ARSJ: variants seen among roughly 807,000 people sequenced by gnomAD.
The protein encoded by ARSJ is arylsulfatase family member J, also known as arylsulfatase J.
ARSJ carries 26 observed loss-of-function variants against 35.9 expected under a neutral mutation model. The observed-to-expected ratio is 0.72, with a 90% confidence interval of 0.53 to 1.00. ARSJ has a LOEUF of 1.00. Among genes scored for constraint, ARSJ ranks in the 50% least tolerant of loss-of-function variants. The pLI is 0.00. For synonymous variants in ARSJ, 294 were observed against 267.6 expected, an observed-to-expected ratio of 1.10 and a Z score of -0.96; for missense variants, 667 against 723.6, an observed-to-expected ratio of 0.92 and a Z score of 0.90.
intron 1 of ARSJ, among the ~76,000 whole-genome samples, chr4:113,942,656 T>C (rs1212331119): frequency 6.6e-6 from 1 of 152,048 alleles, no homozygotes; most frequent in Admixed American, 6.6e-5. Flanking sequence ...CATGCAGTGG[T>C]TATGAGTGAT....
At chr4:113,907,678 G>T (rs2099669179) in intron 1 of ARSJ, among the ~76,000 whole-genome samples, 2 of 152,036 alleles carry the variant, frequency 1.3e-5, no homozygotes, top group African/African-American at 4.8e-5. Flanking sequence ...GCAAGACCTG[G>T]AATCAACCTG....
intron 1 of ARSJ, among the ~76,000 whole-genome samples, chr4:113,944,765 C>CAGTAGAG (rs1427397039): frequency 6.6e-5 from 10 of 152,014 alleles, no homozygotes; most frequent in African/African-American, 1.9e-4. Flanking sequence ...GAATTTTATT[C>CAGTAGAG]AGTAGAGGTA....
intron 1 of ARSJ, among the ~76,000 whole-genome samples, chr4:113,909,693 T>A (rs961764675): frequency 6.6e-6 from 1 of 152,194 alleles, no homozygotes; most frequent in Non-Finnish European, 1.5e-5. Context: ...CTCCCCAGCC[T>A]TGTGAAACTG....
chr4:113,914,476 C>T (rs1723156899), intron 1 of ARSJ, among the ~76,000 whole-genome samples: 1 of 73,952 alleles, frequency 1.4e-5, no homozygotes, highest in Non-Finnish European at 3.6e-5. Context: ...GAAAACAGCC[C>T]AACAAAAAAA....
chr4:113,949,228 C>G (rs996205741), intron 1 of ARSJ, among the ~76,000 whole-genome samples: 4 of 151,914 alleles, frequency 2.6e-5, no homozygotes, highest in African/African-American at 9.7e-5. Flanking sequence ...AGGAGAAATA[C>G]CTAATGTAGA....
intron 1 of ARSJ, among the ~76,000 whole-genome samples, chr4:113,947,402 T>C (rs1310569144): frequency 6.6e-6 from 1 of 151,764 alleles, no homozygotes; most frequent in Non-Finnish European, 1.5e-5. Flanking sequence ...ATCGTTTGAA[T>C]TTGGCAGTTG....
chr4:113,957,780 A>G (rs1726278816), intron 1 of ARSJ, among the ~76,000 whole-genome samples: 1 of 152,142 alleles, frequency 6.6e-6, no homozygotes, highest in Non-Finnish European at 1.5e-5. Flanking sequence ...AAAGTGAGAC[A>G]GAATTTCATC....
chr4:113,923,733 A>ATAT, intron 1 of ARSJ, among the ~76,000 whole-genome samples: 1 of 152,114 alleles, frequency 6.6e-6, no homozygotes, highest in Middle Eastern at 3.4e-3. Context: ...TTTCTTAGTT[A>ATAT]TATTAGCCAT....
At chr4:113,963,067 G>A (rs970968437) in intron 1 of ARSJ, among the ~76,000 whole-genome samples, 4 of 151,840 alleles carry the variant, frequency 2.6e-5, no homozygotes, top group Admixed American at 6.6e-5. Flanking sequence ...AAGGTCTTCC[G>A]TGACCTTTGT....
intron 1 of ARSJ, among the ~76,000 whole-genome samples, chr4:113,951,809 C>T (rs549936061): frequency 2.6e-5 from 4 of 152,038 alleles, no homozygotes; most frequent in African/African-American, 7.2e-5. Context: ...CTGAATCATG[C>T]GTTTAAGAGT....
At chr4:113,941,697 T>C (rs1397386315) in intron 1 of ARSJ, among the ~76,000 whole-genome samples, 1 of 152,026 alleles carries the variant, frequency 6.6e-6, no homozygotes, top group Non-Finnish European at 1.5e-5. Flanking sequence ...ATTTCCAATG[T>C]TAATTAAATT....
intron 1 of ARSJ, among the ~76,000 whole-genome samples, chr4:113,909,492 C>T (rs1023175728): frequency 7.9e-5 from 12 of 152,082 alleles, no homozygotes; most frequent in African/African-American, 2.4e-4. Flanking sequence ...TGAGAGGGAC[C>T]TGGTGAGAGG....
rs966599750 is a variant in ARSJ, at chr4:113,919,509, T to C, written c.399-15834A>G. Reference sequence around the variant, plus strand: ...GTGCTCAACTAACTGTTATTGTTGATATTGTGAAAGTAACCAAAGGAGCCC... The same window carrying C: ...GTGCTCAACTAACTGTTATTGTTGACATTGTGAAAGTAACCAAAGGAGCCC... On this transcript the variant is annotated intron_variant, in intron 1 of 1. Coordinates refer to ENST00000315366, the MANE Select transcript of ARSJ (RefSeq NM_024590.4). Among the ~76,000 whole-genome samples, 5 of 152,206 alleles carry C rather than the reference T, an allele frequency of 3.3e-5. No individual in the cohort carries two copies. In the South Asian group the frequency reaches 8.3e-4, roughly 25 times the overall value.
Position 113,902,638 on chromosome 4 carries a change from C to G in ARSJ, c.1436G>C (p.Arg479Pro), listed in dbSNP as rs2099667488. The change falls in exon 2 of 2, where the codon CGG (arginine) becomes CCG (proline). Residue 479 changes from arginine (R) to proline (P), a missense_variant. Arg to Pro is a moderately radical substitution (Grantham distance 103). Transcript: ENST00000315366. ...CAAGGTGATCCGTTCATTGTGCCAC[C>G]GGTTCGGTCCCAGGTTGCTGAAAGA... is the stretch of plus-strand genomic sequence containing the variant. ...PQSFSNLGPN[R>P]WHNERITLST... The G allele has an allele frequency of 5.6e-6, 9 of 1,614,182 alleles. No homozygotes were observed. Among genetic ancestry groups the G allele is most frequent in the Non-Finnish European group, 6.8e-6 (8 of 1,180,046 alleles).
intron 1 of ARSJ, among the ~76,000 whole-genome samples, chr4:113,927,661 A>G (rs1391058012): frequency 3.3e-5 from 5 of 152,174 alleles, no homozygotes; most frequent in Non-Finnish European, 7.4e-5. Context: ...TTTGTCAAGC[A>G]ATGAAACCAC....
chr4:113,921,364 T>C (rs1354497627), intron 1 of ARSJ, among the ~76,000 whole-genome samples: 1 of 152,146 alleles, frequency 6.6e-6, no homozygotes, highest in African/African-American at 2.4e-5. Flanking sequence ...CAAGACTTAG[T>C]TAAGATTCCT....
At chr4:113,932,891 A>G (rs1459772785) in intron 1 of ARSJ, among the ~76,000 whole-genome samples, 1 of 152,016 alleles carries the variant, frequency 6.6e-6, no homozygotes, top group Non-Finnish European at 1.5e-5. Context: ...AGCTAACAAA[A>G]CAATACAGAA....
intron 1 of ARSJ, among the ~76,000 whole-genome samples, chr4:113,917,133 C>T (rs947675706): frequency 2.0e-5 from 3 of 152,086 alleles, no homozygotes; most frequent in Non-Finnish European, 4.4e-5. Context: ...GGTTTCTCAG[C>T]TGATTGTATT....
rs184641754 is a variant in ARSJ, at chr4:113,960,814, C to T, written c.398+17623G>A. ...GGGCAGTGTTTTTCAAACAATGACC[C>T]AGGAGCCCTGGAGATTGGCAGAAGT... is the stretch of plus-strand genomic sequence containing the variant. On this transcript the variant is annotated intron_variant, in intron 1 of 1. Transcript: ENST00000315366. Among the ~76,000 whole-genome samples, 486 of 152,098 alleles carry T rather than the reference C, an allele frequency of 3.2e-3. 3 individuals are homozygous for T. Among genetic ancestry groups the T allele is most frequent in the African/African-American group, 0.011 (464 of 41,512 alleles).
Sources: gnomAD v4.1 joint callset for allele counts (sites outside exome capture counted in the v4.1 genomes callset) on GRCh38, gnomAD v4.1.1 for gene constraint, MANE v1.5 for transcripts, NCBI Gene and HGNC (gene_info 2026-07-23, HGNC 2026-07-21) for gene names.